Variants in DOCK4 observed in about 807,000 individuals in gnomAD.
DOCK4 encodes dedicator of cytokinesis 4.
DOCK4 carries 97 observed loss-of-function variants against 268.1 expected under a neutral mutation model. The ratio of observed to expected loss-of-function variants is 0.36; its 90% confidence interval spans 0.31 to 0.43. DOCK4 has a LOEUF of 0.43. Among genes scored for constraint, DOCK4 ranks in the 20% least tolerant of loss-of-function variants. The pLI is 1.00. For synonymous variants in DOCK4, 954 were observed against 887.2 expected, an observed-to-expected ratio of 1.08 and a Z score of -1.34; for missense variants, 2,145 against 2,455.7, an observed-to-expected ratio of 0.87 and a Z score of 2.67.
chr7:111,836,494 G>C (rs1300022972), intron 25 of DOCK4, among the ~76,000 whole-genome samples: 3 of 151,878 alleles, frequency 2.0e-5, no homozygotes, highest in Non-Finnish European at 4.4e-5. Context: ...AAATCACCAG[G>C]CAGGTCAAGA....
rs527581371 is a variant in DOCK4, at chr7:111,841,450, C to T, written c.2736+3313G>A. Among the ~76,000 whole-genome samples the T allele has an allele frequency of 2.6e-5, 4 of 152,112 alleles. No homozygotes were observed. In the East Asian group the frequency reaches 7.7e-4, roughly 29 times the overall value. ...TGCTGGGATTACAGGCATAAGACAC[C>T]GCGCCTGGCCTATTTTCTCTGTTTT... is the stretch of plus-strand genomic sequence containing the variant. On this transcript the variant is annotated intron_variant, in intron 25 of 52. Transcript: ENST00000428084.
At chr7:111,875,975 C>T (rs1022475171) in intron 17 of DOCK4, among the ~76,000 whole-genome samples, 1 of 152,206 alleles carries the variant, frequency 6.6e-6, no homozygotes, top group South Asian at 2.1e-4. Context: ...ACACCTAATC[C>T]ACATAGAATA....
chr7:112,176,043 A>G (rs1210546053), intron 1 of DOCK4, among the ~76,000 whole-genome samples: 2 of 152,234 alleles, frequency 1.3e-5, no homozygotes, highest in Non-Finnish European at 2.9e-5. Flanking sequence ...CCTGAATTGC[A>G]AAAGTATTTG....
At chr7:111,960,198 T>C (rs1401466036) in intron 8 of DOCK4, among the ~76,000 whole-genome samples, 1 of 151,734 alleles carries the variant, frequency 6.6e-6, no homozygotes, top group Non-Finnish European at 1.5e-5. Flanking sequence ...ACCCCGTCTC[T>C]ACTAAAAATA....
intron 1 of DOCK4, among the ~76,000 whole-genome samples, chr7:112,204,448 C>T (rs1279110542): frequency 6.6e-6 from 1 of 152,152 alleles, no homozygotes; most frequent in Non-Finnish European, 1.5e-5. Flanking sequence ...AAGGGACTAT[C>T]TTTTTCCCTA....
chr7:111,949,981 C>G (rs1056087550), intron 8 of DOCK4, among the ~76,000 whole-genome samples: 1 of 152,218 alleles, frequency 6.6e-6, no homozygotes. Flanking sequence ...GGCTGGAGTA[C>G]AGCAGCGCGA....
chr7:111,737,047 C>G, intron 49 of DOCK4, 58 bp from the exon 50 acceptor site: 3 of 1,471,040 alleles, frequency 2.0e-6, no homozygotes, highest in Non-Finnish European at 2.8e-6. Context: ...TGAAACCTTT[C>G]AGAAAATGAG....
chr7:112,183,379 A>G (rs2158244), intron 1 of DOCK4, among the ~76,000 whole-genome samples: 103,812 of 152,092 alleles, frequency 0.68, 36,276 homozygotes, highest in African/African-American at 0.8. Context: ...CTGAAAGGGC[A>G]AAAGAAATTT....
At chr7:112,158,607 A>G (rs541340659) in intron 1 of DOCK4, among the ~76,000 whole-genome samples, 1 of 152,338 alleles carries the variant, frequency 6.6e-6, no homozygotes, top group South Asian at 2.1e-4. Flanking sequence ...TTAAAATGCT[A>G]AATCCTCTTT....
At chr7:112,135,898 T>C (rs370373402) in intron 1 of DOCK4, among the ~76,000 whole-genome samples, 1 of 152,204 alleles carries the variant, frequency 6.6e-6, no homozygotes, top group Non-Finnish European at 1.5e-5. Context: ...CCAACCCTTA[T>C]TGATTTCCTT....
intron 13 of DOCK4, among the ~76,000 whole-genome samples, chr7:111,912,853 T>A (rs1440611183): frequency 6.6e-6 from 1 of 151,910 alleles, no homozygotes; most frequent in Non-Finnish European, 1.5e-5. Flanking sequence ...CAATTAGACT[T>A]TTTCTTTTTT....
intron 1 of DOCK4, among the ~76,000 whole-genome samples, chr7:112,192,612 T>C (rs1820063275): frequency 6.6e-6 from 1 of 152,216 alleles, no homozygotes; most frequent in South Asian, 2.1e-4. Flanking sequence ...ATACTTTATG[T>C]ACTCCCTTAC....
In DOCK4 at chr7:111,998,479, G is replaced by A. The variant is rs1800149788; in HGVS notation, c.187C>T (p.His63Tyr). The A allele has an allele frequency of 3.1e-6, 5 of 1,590,532 alleles. No individual in the cohort carries two copies. Among genetic ancestry groups the A allele is most frequent in the Non-Finnish European group, 3.4e-6 (4 of 1,166,540 alleles). ...TTCTTTACACAGGCATTTTTCAAGT[G>A]AACGTAGCTGGAAGGAAATATACCC... Reference protein sequence around the residue: ...IKGIFPSSYVHLKNACVKNKG... With the variant: ...IKGIFPSSYVYLKNACVKNKG... The change falls in exon 4 of 53, where the codon CAC becomes TAC. Residue 63 changes from histidine to tyrosine, a missense_variant. His to Tyr is a moderately conservative substitution (Grantham distance 83). This residue lies in a region of DOCK4 where 1,598 missense variants were observed against 1,986.7 expected (regional missense o/e 0.80). Coordinates refer to ENST00000428084, the MANE Select transcript of DOCK4 (RefSeq NM_001363540.2).
chr7:112,106,964 T>C (rs1371043885), intron 1 of DOCK4, among the ~76,000 whole-genome samples: 2 of 152,246 alleles, frequency 1.3e-5, no homozygotes, highest in Admixed American at 1.3e-4. Flanking sequence ...ATTCATAAAG[T>C]AATTTTTTAA....
intron 1 of DOCK4, among the ~76,000 whole-genome samples, chr7:112,199,587 A>AT (rs1198692580): frequency 2.0e-5 from 3 of 152,190 alleles, no homozygotes; most frequent in Non-Finnish European, 2.9e-5. Flanking sequence ...TTAATTCCTT[A>AT]TTTTTTTGTC....
At chr7:112,070,981 A>G (rs1241310444) in intron 1 of DOCK4, among the ~76,000 whole-genome samples, 2 of 152,214 alleles carry the variant, frequency 1.3e-5, no homozygotes, top group Non-Finnish European at 2.9e-5. Flanking sequence ...TTCTACCTAA[A>G]AAGCAAAAAA....
rs137886026 is a variant in DOCK4, at chr7:111,989,308, T to C, written c.316-145A>G. ...CAGATGTCCGTGAACAGACAAACTG[T>C]TCGCTCACTATCCTCAAACACACTC... On this transcript the variant is annotated intron_variant, in intron 5 of 52. Coordinates refer to ENST00000428084, the MANE Select transcript of DOCK4 (RefSeq NM_001363540.2). 1.2e-3 allele frequency: 1,320 copies of C among 1,065,482 alleles called. 18 individuals are homozygous for C. In the African/African-American group the frequency reaches 0.018, roughly 14 times the overall value. The allele number at this position is 1,065,482 out of a possible 1,614,324, so 66.0% of individuals were successfully genotyped here. A position where few individuals can be genotyped will look rare whatever the true frequency, so the allele number is the denominator to read the frequency against.
At chr7:111,991,162 G>C (rs1242742139) in intron 5 of DOCK4, among the ~76,000 whole-genome samples, 1 of 152,098 alleles carries the variant, frequency 6.6e-6, no homozygotes, top group Non-Finnish European at 1.5e-5. Context: ...GTCATCTCTA[G>C]TACTTAAGTT....
chr7:111,876,146 T>C (rs887863293), intron 17 of DOCK4, among the ~76,000 whole-genome samples: 8 of 152,178 alleles, frequency 5.3e-5, no homozygotes, highest in Non-Finnish European at 8.8e-5. Context: ...TTAAGTAAAA[T>C]TAACTACTGA....
Sources: allele counts gnomAD v4.1 joint callset (sites outside exome capture counted in the v4.1 genomes callset), GRCh38; gene constraint gnomAD v4.1.1; regional missense constraint gnomAD v4.1.1; transcripts MANE v1.5; gene names NCBI Gene and HGNC (gene_info 2026-07-23, HGNC 2026-07-21).